Variants in CLTB observed in about 807,000 individuals in gnomAD.
The protein encoded by CLTB is clathrin light chain B.
Under a neutral mutation model 30.5 loss-of-function variants are expected in CLTB, and 10 were observed. The observed-to-expected ratio is 0.33, with a 90% confidence interval of 0.20 to 0.56. The LOEUF (loss-of-function observed/expected upper bound fraction) is 0.56. CLTB is among the 20% of genes least tolerant of loss of function. CLTB has a pLI of 0.91. For missense variants in CLTB, 261 were observed against 308.3 expected, an observed-to-expected ratio of 0.85 and a Z score of 1.15; for synonymous variants, 102 against 120.3, an observed-to-expected ratio of 0.85 and a Z score of 1.00.
rs1448962910 is a variant in CLTB, at chr5:176,392,783, C to T, written c.681G>A (p.Leu227=). The change falls in exon 6 of 6, where the codon CTG becomes CTA. Residue 227 remains leucine (L), a synonymous_variant. Coordinates refer to ENST00000310418, the MANE Select transcript of CLTB (RefSeq NM_007097.5). This position sits in a 1 kb window ranked among gnomAD's most constrained non-coding sequence, Gnocchi z 5.2. ...SVLMSLKQTP[L]SR is the part of the protein sequence containing the mutation. The stretch of plus-strand genomic sequence containing the variant: ...TGCACCTAGCAGGCACCTAGCGGGA[C>T]AGTGGCGTCTGCTTCAGGGACATGA... 6.2e-7 allele frequency: 1 copy of T among 1,614,108 alleles called. No homozygotes were observed. Among genetic ancestry groups the T allele is most frequent in the Non-Finnish European group, 8.5e-7 (1 of 1,180,026 alleles).
intron 3 of CLTB, 68 bp downstream of exon 3, chr5:176,397,862 C>T (rs897691870): frequency 1.7e-5 from 26 of 1,495,126 alleles, no homozygotes; most frequent in East Asian, 6.8e-5. Flanking sequence ...CCATGCACTC[C>T]GAGGACTCCC....
chr5:176,399,888 A>G (rs927016371), intron 2 of CLTB, among the ~76,000 whole-genome samples: 1 of 149,676 alleles, frequency 6.7e-6, no homozygotes, highest in African/African-American at 2.5e-5. Flanking sequence ...AAAAAAAAAA[A>G]AAAGAAAGAA....
chr5:176,405,986 G>A (rs561878703), intron 2 of CLTB, among the ~76,000 whole-genome samples: 24 of 152,104 alleles, frequency 1.6e-4, no homozygotes, highest in Admixed American at 5.9e-4. Context: ...CTGGCCCTCC[G>A]TGCACCATGA....
chr5:176,415,944 A>G (rs2113693545), intron 1 of CLTB, among the ~76,000 whole-genome samples: 1 of 152,254 alleles, frequency 6.6e-6, no homozygotes, highest in East Asian at 1.9e-4. Context: ...CTGGGGATGA[A>G]ATGTCATGAC....
At chr5:176,406,180 A>G (rs1413259602) in intron 2 of CLTB, 25 of 990,016 alleles carry the variant, frequency 2.5e-5, no homozygotes, top group East Asian at 1.1e-4. Context: ...TGGGGAGATC[A>G]GTCATGGCCA....
chr5:176,400,880 C>A (rs557132061), intron 2 of CLTB, among the ~76,000 whole-genome samples: 1 of 152,178 alleles, frequency 6.6e-6, no homozygotes, highest in East Asian at 1.9e-4. Flanking sequence ...CCAGCAGGCA[C>A]CCGGTTCAAG....
In CLTB at chr5:176,397,291, G is replaced by GTCATGTCCCCACAGCCCCTC. The variant is rs1318489945; in HGVS notation, c.464+296_464+315dup. 3.6e-4 allele frequency among the ~76,000 whole-genome samples: 55 copies of GTCATGTCCCCACAGCCCCTC among 151,746 alleles called. 1 individual carries two copies. Among genetic ancestry groups the GTCATGTCCCCACAGCCCCTC allele is most frequent in the Non-Finnish European group, 1.8e-4 (12 of 67,896 alleles). Reference sequence around the variant, plus strand: ...GGCAGGGAGCACTGGGCAGTGTTCAGTCATGTCCCCACAGCCCCTCTCATG... The same window carrying GTCATGTCCCCACAGCCCCTC: ...GGCAGGGAGCACTGGGCAGTGTTCAGTCATGTCCCCACAGCCCCTCTCATGTCCCCACAGCCCCTCTCATG... On this transcript the variant is annotated intron_variant, in intron 4 of 5. Coordinates refer to ENST00000310418, the MANE Select transcript of CLTB (RefSeq NM_007097.5).
At chr5:176,406,674 T>C in intron 2 of CLTB, 2 of 1,288,990 alleles carry the variant, frequency 1.6e-6, no homozygotes, top group Non-Finnish European at 2.0e-6. Flanking sequence ...TATTGGCAAC[T>C]GGGTTTGTAG....
chr5:176,407,083 A>G (rs1184469329), intron 2 of CLTB, among the ~76,000 whole-genome samples: 1 of 152,198 alleles, frequency 6.6e-6, no homozygotes. Context: ...CAGTGAGAAT[A>G]AGAGTTCTCA....
chr5:176,404,300 T>C (rs183781008), intron 2 of CLTB, among the ~76,000 whole-genome samples: 16 of 152,332 alleles, frequency 1.1e-4, no homozygotes, highest in African/African-American at 3.8e-4. Flanking sequence ...ATGGCCCGCC[T>C]TCCTCTGGGA....
At chr5:176,413,943 CCT>C (rs1199990702) in intron 1 of CLTB, among the ~76,000 whole-genome samples, 1 of 152,312 alleles carries the variant, frequency 6.6e-6, no homozygotes, top group East Asian at 1.9e-4. Flanking sequence ...TGTTTCTCTC[CCT>C]GTCACCTCTG....
In CLTB at chr5:176,392,808, A is replaced by G; in HGVS notation, c.656T>C (p.Leu219Pro). 3 of 1,614,188 alleles carry G rather than the reference A, an allele frequency of 1.9e-6. No homozygotes were observed. Among genetic ancestry groups the G allele is most frequent in the Non-Finnish European group, 2.5e-6 (3 of 1,180,042 alleles). ...CKDVSRLRSV[L>P]MSLKQTPLSR is the part of the protein sequence containing the mutation. ...CAGTGGCGTCTGCTTCAGGGACATG[A>G]GCACCGAGCGCAGGCGGGACACATC... The change falls in exon 6 of 6, where the codon CTC (leucine) becomes CCC (proline). Residue 219 changes from leucine (L) to proline (P), a missense_variant. Coordinates refer to ENST00000310418, the MANE Select transcript of CLTB (RefSeq NM_007097.5). This position sits in a 1 kb window ranked among gnomAD's most constrained non-coding sequence, Gnocchi z 5.2.
chr5:176,407,113 C>T (rs768681380), intron 2 of CLTB, among the ~76,000 whole-genome samples: 5 of 152,056 alleles, frequency 3.3e-5, no homozygotes, highest in African/African-American at 4.8e-5. Context: ...GAAAGGAGGC[C>T]CCGGGCTCCT....
rs1338029057 is a variant in CLTB at position 176,393,634 on chromosome 5, C to A, written c.519-689G>T. Among the ~76,000 whole-genome samples the A allele has an allele frequency of 6.6e-6, 1 of 152,172 alleles. No homozygotes were observed. The highest frequency in any genetic ancestry group is 2.4e-5 in the African/African-American group (1 of 41,440). ...AGAGCCCTTTGTAGCCCAGAACCAC[C>A]ACTGTCTCTGAGGAGCCACAGCCTG... is the stretch of plus-strand genomic sequence containing the variant. On this transcript the variant is annotated intron_variant, in intron 5 of 5. Transcript: ENST00000310418. The surrounding 1 kb of genome is among the most constrained non-coding windows in gnomAD (Gnocchi z 4.4).
intron 2 of CLTB, among the ~76,000 whole-genome samples, chr5:176,407,234 T>A (rs1481539728): frequency 6.6e-6 from 1 of 152,162 alleles, no homozygotes; most frequent in Non-Finnish European, 1.5e-5. Context: ...TGACTTTGCA[T>A]TCACCACTTC....
chr5:176,411,740 C>T (rs1219626136), intron 1 of CLTB, among the ~76,000 whole-genome samples: 1 of 152,160 alleles, frequency 6.6e-6, no homozygotes, highest in Admixed American at 6.5e-5. Context: ...AACCCTGGAA[C>T]ATGAGGATCT....
At chr5:176,403,747 C>T (rs1017792272) in intron 2 of CLTB, among the ~76,000 whole-genome samples, 4 of 151,002 alleles carry the variant, frequency 2.6e-5, no homozygotes, top group African/African-American at 7.3e-5. Context: ...CCACGGTGCC[C>T]GGCCTGTTTT....
At chr5:176,397,465 G>T in intron 4 of CLTB, 142 bp downstream of exon 4, 1 of 96,868 alleles carries the variant, frequency 1.0e-5, no homozygotes, top group South Asian at 1.3e-4. Context: ...ATGTCCCCAC[G>T]GCCCCCTCAT....
At chr5:176,395,257 T>C (rs1443309217) in intron 5 of CLTB, among the ~76,000 whole-genome samples, 1 of 152,118 alleles carries the variant, frequency 6.6e-6, no homozygotes, top group Non-Finnish European at 1.5e-5. Flanking sequence ...CAGCTGAAGG[T>C]CTTGCATCTC....
Sources: gnomAD v4.1 joint callset for allele counts (sites outside exome capture counted in the v4.1 genomes callset) on GRCh38, gnomAD v4.1.1 for gene constraint, Gnocchi (gnomAD v3.1) non-coding constraint, MANE v1.5 for transcripts, NCBI Gene and HGNC (gene_info 2026-07-23, HGNC 2026-07-21) for gene names.